The following PPP2R5E variants were observed in gnomAD, a reference collection of about 807,000 sequenced individuals.
PPP2R5E encodes protein phosphatase 2 regulatory subunit B'epsilon.
Under a neutral mutation model 65.3 loss-of-function variants are expected in PPP2R5E, and 4 were observed. That is an observed-to-expected ratio of 0.06 (90% confidence interval 0.03 to 0.14). The LOEUF (loss-of-function observed/expected upper bound fraction) is 0.14, where lower values mean the gene tolerates loss of function less well. Among genes scored for constraint, PPP2R5E ranks in the 10% least tolerant of loss-of-function variants. The pLI is 1.00. For synonymous variants in PPP2R5E, 183 were observed against 187.4 expected, an observed-to-expected ratio of 0.98 and a Z score of 0.19; for missense variants, 274 against 556.1, an observed-to-expected ratio of 0.49 and a Z score of 5.10.
intron 2 of PPP2R5E, among the ~76,000 whole-genome samples, chr14:63,532,606 A>T (rs1211085521): frequency 6.6e-6 from 1 of 152,182 alleles, no homozygotes; most frequent in African/African-American, 2.4e-5. Context: ...AACCCCCATT[A>T]AATAACAACA....
rs901620563 is a variant in PPP2R5E, at chr14:63,379,760, T to C, written c.1304+2296A>G. Among the ~76,000 whole-genome samples, 4 of 151,974 alleles carry C rather than the reference T, an allele frequency of 2.6e-5. No individual in the cohort carries two copies. In the East Asian group the frequency reaches 7.8e-4, roughly 29 times the overall value. ...TAATAACCAGAAAATAGTTTTATTA[T>C]TGAAGTTCACTAAATACAAACCAAA... On this transcript the variant is annotated intron_variant, in intron 13 of 13. Transcript: ENST00000337537.
intron 13 of PPP2R5E, among the ~76,000 whole-genome samples, chr14:63,379,818 T>TTCTC (rs770094217): frequency 4.6e-4 from 54 of 117,040 alleles, no homozygotes; most frequent in African/African-American, 2.4e-3. Flanking sequence ...TTCTTCAATA[T>TTCTC]TCTCTCTCTT....
chr14:63,401,044 C>T lies in PPP2R5E; in HGVS notation c.550-4328G>A, dbSNP rs148827656. On this transcript the variant is annotated intron_variant, in intron 5 of 13. Transcript: ENST00000337537. ...TTTGATGTTTTCATTAGGCTCTCAA[C>T]AAAATGCATTGCCGAGTGCCTAACT... Among the ~76,000 whole-genome samples, 16 of 152,278 alleles carry T rather than the reference C, an allele frequency of 1.1e-4. No homozygotes were observed. The East Asian group carries it at 2.5e-3, about 24-fold the overall frequency.
At chr14:63,395,192 A>G in intron 7 of PPP2R5E, 34 bp downstream of exon 7, 1 of 1,563,010 alleles carries the variant, frequency 6.4e-7, no homozygotes. Context: ...AATAATATTC[A>G]TCTGAGATTA....
chr14:63,380,619 G>A lies in PPP2R5E; in HGVS notation c.1304+1437C>T, dbSNP rs1377196723. ...GGAGCTTGCAGTGAGCTGAGATCGCGCCACTGCACTCCAGCCTGGGCAACA... is the reference window on the plus strand; with the variant it reads ...GGAGCTTGCAGTGAGCTGAGATCGCACCACTGCACTCCAGCCTGGGCAACA... On this transcript the variant is annotated intron_variant, in intron 13 of 13. Coordinates refer to ENST00000337537, the MANE Select transcript of PPP2R5E (RefSeq NM_006246.5). Among the ~76,000 whole-genome samples, 8 of 151,552 alleles carry A rather than the reference G, an allele frequency of 5.3e-5. No homozygotes were observed. The East Asian group carries it at 1.4e-3, about 26-fold the overall frequency.
intron 5 of PPP2R5E, among the ~76,000 whole-genome samples, chr14:63,412,478 G>A (rs923710218): frequency 1.3e-5 from 2 of 152,160 alleles, no homozygotes; most frequent in Non-Finnish European, 2.9e-5. Context: ...CAGGCTCAGG[G>A]CATTCTGTTC....
intron 2 of PPP2R5E, among the ~76,000 whole-genome samples, chr14:63,456,115 G>T (rs1453887367): frequency 6.6e-6 from 1 of 152,242 alleles, no homozygotes; most frequent in African/African-American, 2.4e-5. Context: ...AATCTTTAGG[G>T]AAATTTTAAT....
Position 63,395,303 on chromosome 14 carries a change from A to T in PPP2R5E, c.681-18T>A. The T allele has an allele frequency of 6.4e-7, 1 of 1,557,820 alleles. No individual in the cohort carries two copies. The highest frequency in any genetic ancestry group is 8.8e-7 in the Non-Finnish European group (1 of 1,135,310). On this transcript the variant is annotated intron_variant, in intron 6 of 13. Coordinates refer to ENST00000337537, the MANE Select transcript of PPP2R5E (RefSeq NM_006246.5). ...AAACAAACCTGAGAGAAGAGGAGAA[A>T]AGGGAGGAGAAAGGAGGAGAGGAGG... is the stretch of plus-strand genomic sequence containing the variant.
At chr14:63,419,963 T>C (rs1886911305) in intron 4 of PPP2R5E, among the ~76,000 whole-genome samples, 1 of 152,238 alleles carries the variant, frequency 6.6e-6, no homozygotes. Context: ...AGTGGTTTTT[T>C]GTGGCAGAAT....
chr14:63,407,356 A>AG (rs1437265153), intron 5 of PPP2R5E, among the ~76,000 whole-genome samples: 4 of 152,228 alleles, frequency 2.6e-5, no homozygotes, highest in Admixed American at 6.5e-5. Context: ...AGATTTTCAA[A>AG]GGGCAGATAC....
rs1883826422 is a variant in PPP2R5E, at chr14:63,373,828, A to C, written c.*2181T>G. On this transcript the variant is annotated 3_prime_UTR_variant, in exon 14 of 14. Transcript: ENST00000337537. ...TTAATGGCAAACAAAAGTTTACACT[A>C]TATAAACTAAATATAATGCAGAGTT... The C allele has an allele frequency of 6.6e-6, 1 of 152,208 alleles. No individual in the cohort carries two copies. The highest frequency in any genetic ancestry group is 1.5e-5 in the Non-Finnish European group (1 of 68,020). The allele number at this position is 152,208 out of a possible 1,614,324, so 9.4% of individuals were successfully genotyped here.
intron 2 of PPP2R5E, among the ~76,000 whole-genome samples, chr14:63,465,199 C>T (rs1185764580): frequency 1.3e-5 from 2 of 152,002 alleles, no homozygotes; most frequent in East Asian, 1.9e-4. Flanking sequence ...AATCAATTTC[C>T]TATTTCATAA....
At chr14:63,439,574 G>A (rs536292640) in intron 3 of PPP2R5E, among the ~76,000 whole-genome samples, 2 of 152,164 alleles carry the variant, frequency 1.3e-5, no homozygotes, top group East Asian at 1.9e-4. Flanking sequence ...GGGTTTCTCC[G>A]TGTTGGTCAG....
intron 11 of PPP2R5E, among the ~76,000 whole-genome samples, 180 bp from the exon 12 acceptor site, chr14:63,384,751 A>G (rs1884565305): frequency 6.6e-6 from 1 of 152,108 alleles, no homozygotes; most frequent in South Asian, 2.1e-4. Context: ...GAGTCTCGCT[A>G]GTGGCGCGAT....
intron 12 of PPP2R5E, among the ~76,000 whole-genome samples, chr14:63,382,558 C>T (rs971381597): frequency 6.6e-6 from 1 of 152,186 alleles, no homozygotes; most frequent in East Asian, 1.9e-4. Context: ...CGAGCCACCA[C>T]ACCTGGCTAA....
At chr14:63,390,296 ACAC>A in intron 10 of PPP2R5E, among the ~76,000 whole-genome samples, 1 of 57,764 alleles carries the variant, frequency 1.7e-5, no homozygotes, top group South Asian at 5.7e-4. Flanking sequence ...CGCATTCTCG[ACAC>A]ACACACACAC....
chr14:63,398,030 T>C (rs888514174), intron 5 of PPP2R5E, among the ~76,000 whole-genome samples: 2 of 152,200 alleles, frequency 1.3e-5, no homozygotes, highest in Non-Finnish European at 2.9e-5. Context: ...TGCCTGGCTG[T>C]GAATAACATG....
At chr14:63,539,781 A>G (rs1358084180) in intron 1 of PPP2R5E, 89 bp from the exon 2 acceptor site, 3 of 1,309,180 alleles carry the variant, frequency 2.3e-6, no homozygotes, top group Non-Finnish European at 3.1e-6. Context: ...CCCATATACA[A>G]TATTCATGAA....
intron 1 of PPP2R5E, among the ~76,000 whole-genome samples, chr14:63,542,004 T>G (rs564174416): frequency 1.9e-4 from 29 of 152,212 alleles, no homozygotes; most frequent in Non-Finnish European, 3.7e-4. Context: ...GGGCCGATTT[T>G]CCATTCGGGT....
Sources: gnomAD v4.1 joint callset for allele counts (sites outside exome capture counted in the v4.1 genomes callset) on GRCh38, gnomAD v4.1.1 for gene constraint, MANE v1.5 for transcripts, NCBI Gene and HGNC (gene_info 2026-07-23, HGNC 2026-07-21) for gene names.